Variants in ZFAT observed in about 807,000 individuals in gnomAD.
ZFAT encodes zinc finger and AT-hook domain containing.
In ZFAT, 64 loss-of-function variants were observed where a neutral mutation model predicts 117.7. The ratio of observed to expected loss-of-function variants is 0.54; its 90% CI spans 0.44 to 0.67. The LOEUF is 0.67. Among genes scored for constraint, ZFAT ranks in the 30% least tolerant of loss-of-function variants. ZFAT has a pLI of 0.00. For missense variants in ZFAT, 1,433 were observed against 1,584.5 expected, an observed-to-expected ratio of 0.90 and a Z score of 1.62; for synonymous variants, 679 against 615.0, an observed-to-expected ratio of 1.10 and a Z score of -1.54.
At chr8:134,720,544 G>A in the ZFAT span, among the ~76,000 whole-genome samples, 1 of 152,224 alleles carries the variant, frequency 6.6e-6, no homozygotes, top group African/African-American at 2.4e-5. Flanking sequence ...TCTGAAGTGT[G>A]ATGAGAATTT....
intron 1 of ZFAT, among the ~76,000 whole-genome samples, chr8:134,701,781 TACC>T (rs1174648507): frequency 3.9e-5 from 6 of 152,362 alleles, no homozygotes; most frequent in East Asian, 3.9e-4. Context: ...TGTATGGATA[TACC>T]ACAATTTGTT....
chr8:134,753,232 C>CAACAA, the ZFAT span, among the ~76,000 whole-genome samples: 2 of 149,752 alleles, frequency 1.3e-5, no homozygotes, highest in Non-Finnish European at 3.0e-5. Flanking sequence ...AACGAACCAA[C>CAACAA]CAACAACAAC....
chr8:134,676,688 A>G (rs1191960559), intron 1 of ZFAT, among the ~76,000 whole-genome samples: 4 of 152,228 alleles, frequency 2.6e-5, no homozygotes, highest in African/African-American at 7.2e-5. Context: ...TTGACCACAT[A>G]ATTGGAAGTA....
intron 10 of ZFAT, among the ~76,000 whole-genome samples, chr8:134,570,117 C>T (rs1049592855): frequency 3.3e-5 from 5 of 152,100 alleles, no homozygotes; most frequent in Admixed American, 6.5e-5. Context: ...CACCTACCTC[C>T]GGGCCTCTGC....
chr8:134,620,294 A>G (rs902794364), intron 3 of ZFAT, among the ~76,000 whole-genome samples: 1 of 152,148 alleles, frequency 6.6e-6, no homozygotes, highest in East Asian at 1.9e-4. Flanking sequence ...TGCTCTGTGC[A>G]TCCTCAGCCA....
the ZFAT span, among the ~76,000 whole-genome samples, chr8:134,719,881 C>T: frequency 0.1 from 15,734 of 152,256 alleles, 1,021 homozygotes; most frequent in Non-Finnish European, 0.16. Context: ...GGTACCTAGA[C>T]AGTCTGTACA....
intron 15 of ZFAT, among the ~76,000 whole-genome samples, chr8:134,481,319 G>C (rs1044306954): frequency 1.3e-5 from 2 of 152,166 alleles, no homozygotes; most frequent in Non-Finnish European, 2.9e-5. Context: ...TTTACTCCCA[G>C]GTCCCCAGGG....
intron 7 of ZFAT, among the ~76,000 whole-genome samples, chr8:134,593,388 C>T (rs1173558525): frequency 1.3e-5 from 2 of 152,142 alleles, no homozygotes; most frequent in Non-Finnish European, 2.9e-5. Context: ...GACTCATTTA[C>T]TTCTTTTTCA....
chr8:134,604,109 T>C (rs1827711799), intron 5 of ZFAT, among the ~76,000 whole-genome samples: 1 of 152,236 alleles, frequency 6.6e-6, no homozygotes, highest in Non-Finnish European at 1.5e-5. Flanking sequence ...CTTTCACTAA[T>C]GTGTGTGCTG....
At chr8:134,549,269 G>A (rs10875485) in intron 11 of ZFAT, among the ~76,000 whole-genome samples, 42,439 of 151,776 alleles carry the variant, frequency 0.28, 7,077 homozygotes, top group East Asian at 0.67. Flanking sequence ...GTGAAACCCC[G>A]TTTCTACTAA....
At chr8:134,746,682 C>T in the ZFAT span, among the ~76,000 whole-genome samples, 1 of 152,132 alleles carries the variant, frequency 6.6e-6, no homozygotes, top group Admixed American at 6.5e-5. Context: ...TAGTTCTTCC[C>T]CCAGTGCTGA....
In ZFAT at chr8:134,602,802, T is replaced by C. The variant is rs1173375299; in HGVS notation, c.917A>G (p.Tyr306Cys). Residue 306 changes from tyrosine to cysteine, a missense_variant, in exon 6 of 16, where the codon TAT (tyrosine) becomes TGT (cysteine). By Grantham distance (194) the Tyr-to-Cys change is radical (BLOSUM62 -2). Around this residue, in one of 5 missense-constraint regions of ZFAT, gnomAD observed 436 missense variants for 482.0 expected, o/e 0.90. Transcript: ENST00000377838. ...GAGGTTGGCCTTGATGGCACTGGCA[T>C]AGCTGCACTGGGGGCACTTGTATGG... ...EKPYKCPQCSYASAIKANLNV... is the reference protein window; with the variant it reads ...EKPYKCPQCSCASAIKANLNV... 1.2e-6 allele frequency: 2 copies of C among 1,614,108 alleles called. No homozygotes were observed. The highest frequency in any genetic ancestry group is 1.7e-6 in the Non-Finnish European group (2 of 1,180,054).
chr8:134,659,787 C>A (rs1386228662), intron 1 of ZFAT, among the ~76,000 whole-genome samples: 1 of 152,208 alleles, frequency 6.6e-6, no homozygotes, highest in African/African-American at 2.4e-5. Flanking sequence ...AGGCAATAGG[C>A]CAACCCAGCC....
At chr8:134,518,128 G>A (rs942741988) in intron 13 of ZFAT, among the ~76,000 whole-genome samples, 10 of 151,934 alleles carry the variant, frequency 6.6e-5, no homozygotes, top group African/African-American at 2.2e-4. Flanking sequence ...TTGTTCCTGT[G>A]GTATTCTAAT....
At chr8:134,630,852 G>A (rs1392000396) in intron 3 of ZFAT, among the ~76,000 whole-genome samples, 1 of 152,190 alleles carries the variant, frequency 6.6e-6, no homozygotes, top group Non-Finnish European at 1.5e-5. Context: ...TCTTCTAATT[G>A]TTTTAACAAG....
At chr8:134,521,374 G>GA (rs1281760031) in intron 12 of ZFAT, among the ~76,000 whole-genome samples, 1 of 152,112 alleles carries the variant, frequency 6.6e-6, no homozygotes, top group Non-Finnish European at 1.5e-5. Flanking sequence ...TAGAAAACGA[G>GA]AACAATGGAA....
At chr8:134,529,685 G>C (rs1424709487) in intron 12 of ZFAT, among the ~76,000 whole-genome samples, 4 of 152,190 alleles carry the variant, frequency 2.6e-5, no homozygotes, top group African/African-American at 7.2e-5. Context: ...TGGGAACCAA[G>C]ATACGCAAGC....
At chr8:134,711,714 C>A (rs906929768) in intron 1 of ZFAT, among the ~76,000 whole-genome samples, 1 of 152,226 alleles carries the variant, frequency 6.6e-6, no homozygotes, top group African/African-American at 2.4e-5. Context: ...CTCTGTCACT[C>A]CAGGACACAT....
intron 11 of ZFAT, among the ~76,000 whole-genome samples, chr8:134,554,901 C>A (rs1266153190): frequency 6.6e-6 from 1 of 152,176 alleles, no homozygotes; most frequent in South Asian, 2.1e-4. Flanking sequence ...AAAACCAACC[C>A]TAGAGTTGTT....
Sources: gnomAD v4.1 joint callset for allele counts (sites outside exome capture counted in the v4.1 genomes callset) on GRCh38, gnomAD v4.1.1 for gene constraint, gnomAD v4.1.1 regional missense constraint, MANE v1.5 for transcripts, NCBI Gene and HGNC (gene_info 2026-07-23, HGNC 2026-07-21) for gene names.